The following WDR7 variants were observed in gnomAD, a reference collection of about 807,000 sequenced individuals.
WDR7 encodes WD repeat domain 7.
A neutral mutation model predicts 169.4 loss-of-function variants in WDR7; 46 were observed. The ratio of observed to expected loss-of-function variants is 0.27; its 90% confidence interval spans 0.21 to 0.35. The LOEUF is 0.35. Ranked by LOEUF, WDR7 falls within the 10% of genes least tolerant of loss-of-function variation. WDR7 has a pLI of 1.00. For synonymous variants in WDR7, 612 were observed against 666.8 expected (o/e 0.92, Z 1.27); for missense variants, 1,534 against 1,859.3 (o/e 0.83, Z 3.22).
intron 25 of WDR7, among the ~76,000 whole-genome samples, chr18:56,956,187 T>C (rs2047248066): frequency 1.3e-5 from 2 of 152,122 alleles, no homozygotes. Flanking sequence ...TTTCATTTGG[T>C]TTTTTGAACT....
intron 27 of WDR7, among the ~76,000 whole-genome samples, chr18:57,021,533 T>C (rs1001389847): frequency 6.6e-6 from 1 of 152,224 alleles, no homozygotes; most frequent in African/African-American, 2.4e-5. Context: ...AGAACATTTC[T>C]TAAGATCTCA....
chr18:57,012,376 G>A (rs935643639), intron 26 of WDR7, among the ~76,000 whole-genome samples: 3 of 152,184 alleles, frequency 2.0e-5, no homozygotes, highest in Non-Finnish European at 4.4e-5. Context: ...GGATAGGAAG[G>A]GAGGTTGGGC....
intron 21 of WDR7, among the ~76,000 whole-genome samples, chr18:56,915,611 C>T (rs1033458509): frequency 1.6e-4 from 25 of 151,982 alleles, no homozygotes; most frequent in African/African-American, 6.0e-4. Context: ...TTAACTAGGC[C>T]AGTTGACTAG....
At chr18:56,839,773 A>G (rs2045452246) in intron 20 of WDR7, among the ~76,000 whole-genome samples, 1 of 152,156 alleles carries the variant, frequency 6.6e-6, no homozygotes, top group African/African-American at 2.4e-5. Context: ...ATAAAACTGA[A>G]AGGACTCAGC....
chr18:56,920,763 T>C (rs9947924), intron 21 of WDR7, among the ~76,000 whole-genome samples: 123,217 of 152,138 alleles, frequency 0.81, 50,407 homozygotes, highest in East Asian at 0.98. Context: ...ACAACTTTTA[T>C]TCAATACCAA....
At chr18:56,922,812 CTCATT>C (rs1364696141) in intron 21 of WDR7, among the ~76,000 whole-genome samples, 1 of 152,140 alleles carries the variant, frequency 6.6e-6, no homozygotes, top group East Asian at 1.9e-4. Context: ...TCAATCCATT[CTCATT>C]TAACAATTGA....
intron 12 of WDR7, among the ~76,000 whole-genome samples, chr18:56,717,744 A>G (rs1301620046): frequency 6.6e-6 from 1 of 152,206 alleles, no homozygotes; most frequent in African/African-American, 2.4e-5. Context: ...TACCTTTTGC[A>G]ATCTTTAATC....
At chr18:56,721,048 TTAAA>T (rs1246009552) in intron 13 of WDR7, among the ~76,000 whole-genome samples, 2 of 151,916 alleles carry the variant, frequency 1.3e-5, no homozygotes, top group Non-Finnish European at 2.9e-5. Flanking sequence ...TATTTATTTA[TTAAA>T]TAAATAAAAA....
In WDR7 at chr18:56,805,713, G is replaced by A. The variant is rs569535554; in HGVS notation, c.3191-10318G>A. ...ATTGAAGTTTTTATTTACTTTCATT[G>A]CATAGTCACTTGCCCTAGCAACCTT... On this transcript the variant is annotated intron_variant, in intron 19 of 27. Coordinates refer to ENST00000254442, the MANE Select transcript of WDR7 (RefSeq NM_015285.3). Among the ~76,000 whole-genome samples the A allele has an allele frequency of 1.3e-4, 20 of 150,378 alleles. No homozygotes were observed. In the South Asian group the frequency reaches 3.8e-3, roughly 28 times the overall value.
intron 19 of WDR7, among the ~76,000 whole-genome samples, chr18:56,785,566 A>G (rs369234457): frequency 7.9e-5 from 12 of 152,152 alleles, no homozygotes; most frequent in East Asian, 5.8e-4. Context: ...TTACCTGAAG[A>G]GCAGAATGGC....
intron 20 of WDR7, among the ~76,000 whole-genome samples, chr18:56,867,263 C>T (rs771456474): frequency 6.6e-6 from 1 of 152,080 alleles, no homozygotes; most frequent in Non-Finnish European, 1.5e-5. Context: ...TCTCGAACTC[C>T]TGAGCTCAAG....
rs1392254803 is a variant in WDR7, at chr18:57,027,190, C to T, written c.4456C>T (p.His1486Tyr). The T allele has an allele frequency of 1.9e-6, 3 of 1,613,638 alleles. No homozygotes were observed. In the South Asian group the frequency reaches 3.3e-5, roughly 18 times the overall value. ...CCTCATGGCCCATGACGGGAAGGAG[C>T]ACCGCTTCATGGTCTAATGCTGCTG... ...VILMAHDGKEHRFMV is the reference protein window; with the variant it reads ...VILMAHDGKEYRFMV Residue 1486 changes from histidine (H) to tyrosine (Y), a missense_variant, in exon 28 of 28, where the codon CAC (histidine) becomes TAC (tyrosine). Coordinates refer to ENST00000254442, the MANE Select transcript of WDR7 (RefSeq NM_015285.3).
intron 20 of WDR7, among the ~76,000 whole-genome samples, chr18:56,818,540 A>G (rs747592680): frequency 5.9e-5 from 9 of 152,202 alleles, no homozygotes; most frequent in Non-Finnish European, 1.2e-4. Flanking sequence ...CGAAGAACTT[A>G]AATAACTAAA....
chr18:56,956,144 C>G (rs570970309), intron 25 of WDR7, among the ~76,000 whole-genome samples: 2 of 152,220 alleles, frequency 1.3e-5, no homozygotes, highest in Non-Finnish European at 1.5e-5. Flanking sequence ...ATGGAATTCC[C>G]CAGTGTCTGT....
chr18:56,912,943 TAGCTCACTGC>T (rs2046572700), intron 21 of WDR7, among the ~76,000 whole-genome samples: 1 of 151,696 alleles, frequency 6.6e-6, no homozygotes, highest in African/African-American at 2.4e-5. Context: ...GGTGTGATCA[TAGCTCACTGC>T]AGCCTTTACC....
Position 56,757,410 on chromosome 18 carries a change from T to TG in WDR7, c.2759+58_2759+59insG, listed in dbSNP as rs2043910522. The TG allele has an allele frequency of 2.0e-6, 3 of 1,463,716 alleles. No individual in the cohort carries two copies. In the East Asian group the frequency reaches 6.9e-5, roughly 33 times the overall value. 90.7% of individuals were successfully genotyped at this position (1,463,716 alleles called of 1,614,324 possible). Reference sequence around the variant, plus strand: ...GTTTCAAAAAAAGAAACCTGTTTTATTTTTTCATTGTTGATTACTCTTTTT... The same window carrying TG: ...GTTTCAAAAAAAGAAACCTGTTTTATGTTTTTCATTGTTGATTACTCTTTTT... On this transcript the variant is annotated intron_variant, in intron 15 of 27. Transcript: ENST00000254442.
intron 20 of WDR7, among the ~76,000 whole-genome samples, chr18:56,865,086 GA>G (rs1281438169): frequency 2.0e-5 from 3 of 151,944 alleles, no homozygotes; most frequent in African/African-American, 7.2e-5. Context: ...TTGAAAAAGT[GA>G]TACATGTTTA....
Position 56,681,308 on chromosome 18 carries a change from T to A in WDR7, c.267-5T>A, listed in dbSNP as rs1315079783. On this transcript the variant is annotated splice_region_variant and splice_polypyrimidine_tract_variant and intron_variant, in intron 3 of 27. Transcript: ENST00000254442. ...CTCAAAGCTGACCATTATTTTGTTT[T>A]ATAGAGAGATGTGCCTCTGGGATGT... 5 of 1,581,552 alleles carry A rather than the reference T, an allele frequency of 3.2e-6. No individual in the cohort carries two copies. Among genetic ancestry groups the A allele is most frequent in the Non-Finnish European group, 4.3e-6 (5 of 1,169,666 alleles).
At chr18:56,990,446 G>A (rs1324060756) in intron 26 of WDR7, among the ~76,000 whole-genome samples, 2 of 152,118 alleles carry the variant, frequency 1.3e-5, no homozygotes, top group African/African-American at 4.8e-5. Flanking sequence ...ACAATAGTAG[G>A]AAGTTACATT....
Sources: gnomAD v4.1 joint callset for allele counts (sites outside exome capture counted in the v4.1 genomes callset) on GRCh38, gnomAD v4.1.1 for gene constraint, MANE v1.5 for transcripts, NCBI Gene and HGNC (gene_info 2026-07-23, HGNC 2026-07-21) for gene names.